Variants in KALRN observed in about 807,000 individuals in gnomAD.
The protein encoded by KALRN is kalirin.
A neutral mutation model predicts 353.7 loss-of-function variants in KALRN; 70 were observed. That is an observed-to-expected ratio of 0.20 (90% CI 0.16 to 0.24). The LOEUF (loss-of-function observed/expected upper bound fraction) is 0.24, where lower values mean the gene tolerates loss of function less well. KALRN is among the 10% of genes least tolerant of loss of function. The pLI, the probability that KALRN is intolerant of heterozygous loss-of-function variation, is 1.00. For missense variants in KALRN, 2,791 were observed against 3,756.7 expected (o/e 0.74, Z 6.72); for synonymous variants, 1,391 against 1,434.8 (o/e 0.97, Z 0.69).
At chr3:124,595,876 G>C (rs1477832217) in intron 34 of KALRN, among the ~76,000 whole-genome samples, 3 of 152,094 alleles carry the variant, frequency 2.0e-5, no homozygotes, top group Non-Finnish European at 4.4e-5. Context: ...TAATTCATAG[G>C]ATATAGACTG....
chr3:124,378,375 T>C (rs1012544625), intron 10 of KALRN, among the ~76,000 whole-genome samples: 3 of 152,138 alleles, frequency 2.0e-5, no homozygotes, highest in African/African-American at 7.2e-5. Flanking sequence ...CTTATATATG[T>C]ACCATAAATC....
chr3:124,058,532 C>T (rs1288692854), intron 1 of KALRN, among the ~76,000 whole-genome samples: 2 of 152,146 alleles, frequency 1.3e-5, no homozygotes, highest in East Asian at 3.9e-4. Context: ...CCCAACTCTC[C>T]TCCAATTACC....
At chr3:124,357,412 A>G (rs1363031445) in intron 10 of KALRN, among the ~76,000 whole-genome samples, 2 of 152,200 alleles carry the variant, frequency 1.3e-5, no homozygotes, top group Non-Finnish European at 2.9e-5. Flanking sequence ...CCATCAGGAT[A>G]AAGTTCAAAC....
intron 3 of KALRN, among the ~76,000 whole-genome samples, chr3:124,240,072 G>A (rs929865768): frequency 6.6e-6 from 1 of 152,156 alleles, no homozygotes; most frequent in African/African-American, 2.4e-5. Flanking sequence ...GTATAAACAA[G>A]ATACTTTTTA....
At chr3:124,503,361 G>A (rs1373267474) in intron 33 of KALRN, among the ~76,000 whole-genome samples, 3 of 151,776 alleles carry the variant, frequency 2.0e-5, no homozygotes, top group Non-Finnish European at 1.5e-5. Context: ...GTATAAATCC[G>A]ATAGAAACAC....
chr3:124,719,192 G>C lies in KALRN; in HGVS notation c.8683G>C (p.Val2895Leu). 1 of 1,614,230 alleles carries C rather than the reference G, an allele frequency of 6.2e-7. No individual in the cohort carries two copies. Among genetic ancestry groups the C allele is most frequent in the Non-Finnish European group, 8.5e-7 (1 of 1,180,052 alleles). The change falls in exon 60 of 60, where the codon GTG (valine) becomes CTG (leucine). Residue 2895 changes from valine (V) to leucine (L), a missense_variant. Transcript: ENST00000682506. This position sits in a 1 kb window ranked among gnomAD's most constrained non-coding sequence, Gnocchi z 5.3. ...GGAGACATGTATCAACGTATGCAGG[G>C]TGGATTTCAGCTTCCCCCATGAATA... ...KEETCINVCRVDFSFPHEYFC... is the reference protein window; with the variant it reads ...KEETCINVCRLDFSFPHEYFC...
At chr3:124,656,357 T>A (rs540688430) in intron 39 of KALRN, among the ~76,000 whole-genome samples, 4 of 152,280 alleles carry the variant, frequency 2.6e-5, no homozygotes, top group Non-Finnish European at 5.9e-5. Context: ...ATGCCTGTAA[T>A]CCCAGCACTT....
At chr3:124,643,631 G>A (rs2082355713) in intron 37 of KALRN, among the ~76,000 whole-genome samples, 2 of 152,104 alleles carry the variant, frequency 1.3e-5, no homozygotes, top group South Asian at 4.1e-4. Context: ...ATGGGCATGT[G>A]TCGCCATGCC....
intron 1 of KALRN, among the ~76,000 whole-genome samples, chr3:124,096,955 A>G (rs1444570479): frequency 6.6e-6 from 1 of 152,212 alleles, no homozygotes; most frequent in Non-Finnish European, 1.5e-5. Context: ...ATATGGCTGT[A>G]ATTTGAAAGT....
intron 1 of KALRN, among the ~76,000 whole-genome samples, chr3:124,167,933 G>A (rs1274222683): frequency 6.6e-6 from 1 of 152,168 alleles, no homozygotes; most frequent in African/African-American, 2.4e-5. Flanking sequence ...AAGTTCTACT[G>A]CACAGCACTG....
At chr3:124,078,192 G>A (rs2060355682) in intron 1 of KALRN, among the ~76,000 whole-genome samples, 1 of 151,966 alleles carries the variant, frequency 6.6e-6, no homozygotes. Flanking sequence ...TATATATTTT[G>A]TGCTGTAGGT....
intron 3 of KALRN, among the ~76,000 whole-genome samples, chr3:124,252,685 C>T (rs2071345123): frequency 6.6e-6 from 1 of 152,154 alleles, no homozygotes; most frequent in Admixed American, 6.5e-5. Context: ...CCAGTACAAA[C>T]AACAACAAAA....
At chr3:124,592,957 T>C (rs1375127682) in intron 34 of KALRN, among the ~76,000 whole-genome samples, 1 of 152,216 alleles carries the variant, frequency 6.6e-6, no homozygotes. Flanking sequence ...AACTGTCAAA[T>C]TGAAGGGGAG....
At chr3:124,052,518 A>G (rs1452761491) in intron 1 of KALRN, among the ~76,000 whole-genome samples, 5 of 152,108 alleles carry the variant, frequency 3.3e-5, no homozygotes, top group Non-Finnish European at 1.5e-5. Context: ...GATAGAGAAG[A>G]TGGTAAAAAG....
At position 124,699,349 on chromosome 3, in the gene KALRN, C is replaced by T. The variant is rs1467355790; in HGVS notation, c.7832-520C>T. 2.0e-5 allele frequency among the ~76,000 whole-genome samples: 3 copies of T among 152,148 alleles called. No individual in the cohort carries two copies. The East Asian group carries it at 5.8e-4, about 29-fold the overall frequency. On this transcript the variant is annotated intron_variant, in intron 55 of 59. Transcript: ENST00000682506. ...ACATCTGTAAAGTAAGATTAGCGGT[C>T]TCTACCTCACTGGGTTTCTGTGGAT...
intron 6 of KALRN, among the ~76,000 whole-genome samples, chr3:124,300,301 T>C (rs1160072462): frequency 6.6e-6 from 1 of 152,188 alleles, no homozygotes; most frequent in African/African-American, 2.4e-5. Context: ...GTGATAGAGA[T>C]ATGCCGAGTT....
chr3:124,265,581 C>G (rs999989335), intron 4 of KALRN, among the ~76,000 whole-genome samples: 2 of 151,934 alleles, frequency 1.3e-5, no homozygotes, highest in Non-Finnish European at 2.9e-5. Context: ...GCATGAGCCA[C>G]TGTGCCCAGC....
At chr3:124,059,522 A>G (rs1053900768) in intron 1 of KALRN, among the ~76,000 whole-genome samples, 2 of 152,284 alleles carry the variant, frequency 1.3e-5, no homozygotes, top group Admixed American at 1.3e-4. Flanking sequence ...GCTAACTTAA[A>G]TTTTGTATTC....
chr3:124,398,650 A>G (rs762655629), intron 12 of KALRN, 47 bp from the exon 13 acceptor site: 11 of 1,600,740 alleles, frequency 6.9e-6, no homozygotes, highest in Non-Finnish European at 8.6e-6. Flanking sequence ...GTCACTTTTA[A>G]CATGGAAAGG....
Sources: allele counts gnomAD v4.1 joint callset (sites outside exome capture counted in the v4.1 genomes callset), GRCh38; gene constraint gnomAD v4.1.1; non-coding constraint Gnocchi (gnomAD v3.1); transcripts MANE v1.5; gene names NCBI Gene and HGNC (gene_info 2026-07-23, HGNC 2026-07-21).